Variants in MNAT1 observed in about 807,000 individuals in gnomAD.
The protein encoded by MNAT1 is CDK-activating kinase assembly factor MAT1.
MNAT1 carries 43 observed loss-of-function variants against 42.0 expected under a neutral mutation model. The observed-to-expected ratio is 1.02, with a 90% CI of 0.80 to 1.32. The LOEUF (loss-of-function observed/expected upper bound fraction) is 1.32. Ranked by LOEUF, MNAT1 falls within the 40% of genes most tolerant of loss-of-function variation. The pLI, the probability that MNAT1 is intolerant of heterozygous loss-of-function variation, is 0.00. For synonymous variants in MNAT1, 118 were observed against 120.0 expected (o/e 0.98, Z 0.11); for missense variants, 306 against 350.4 (o/e 0.87, Z 1.01).
intron 6 of MNAT1, among the ~76,000 whole-genome samples, chr14:60,857,268 C>T (rs549112639): frequency 5.9e-5 from 9 of 152,254 alleles, no homozygotes; most frequent in South Asian, 4.1e-4. Flanking sequence ...TTGGAAGTTT[C>T]GGAAGAAGTT....
At chr14:60,940,740 T>C (rs1443320091) in intron 7 of MNAT1, among the ~76,000 whole-genome samples, 1 of 152,088 alleles carries the variant, frequency 6.6e-6, no homozygotes, top group Non-Finnish European at 1.5e-5. Context: ...CTTTCTTACT[T>C]ATTTATCTGA....
intron 1 of MNAT1, among the ~76,000 whole-genome samples, chr14:60,795,393 C>T (rs1269862353): frequency 6.6e-6 from 1 of 152,100 alleles, no homozygotes; most frequent in Non-Finnish European, 1.5e-5. Context: ...CAGATCCCAC[C>T]AAGTCCCCAG....
intron 6 of MNAT1, among the ~76,000 whole-genome samples, chr14:60,843,339 C>T (rs1327858522): frequency 6.6e-6 from 1 of 152,084 alleles, no homozygotes; most frequent in Non-Finnish European, 1.5e-5. Flanking sequence ...GGCGCGACCT[C>T]AGCTCACTGC....
At chr14:60,873,981 A>G (rs1594821658) in intron 6 of MNAT1, among the ~76,000 whole-genome samples, 1 of 152,260 alleles carries the variant, frequency 6.6e-6, no homozygotes, top group African/African-American at 2.4e-5. Flanking sequence ...GACATGAATA[A>G]GAATTTGATT....
At chr14:60,806,430 C>T (rs551472745) in intron 3 of MNAT1, among the ~76,000 whole-genome samples, 2 of 152,100 alleles carry the variant, frequency 1.3e-5, no homozygotes, top group Non-Finnish European at 2.9e-5. Flanking sequence ...TAGGGGCATA[C>T]AAATGCAGAG....
intron 3 of MNAT1, among the ~76,000 whole-genome samples, chr14:60,802,487 T>C (rs951483392): frequency 5.9e-5 from 9 of 152,088 alleles, no homozygotes; most frequent in African/African-American, 2.2e-4. Context: ...AAAGAGGGCT[T>C]TGTAAACTGG....
chr14:60,886,794 A>C (rs972101780), intron 7 of MNAT1, among the ~76,000 whole-genome samples: 1 of 152,100 alleles, frequency 6.6e-6, no homozygotes, highest in African/African-American at 2.4e-5. Context: ...TTTTGTACAT[A>C]TAGGATCATG....
intron 6 of MNAT1, among the ~76,000 whole-genome samples, chr14:60,845,051 A>G (rs551171396): frequency 6.6e-6 from 1 of 152,104 alleles, no homozygotes; most frequent in South Asian, 2.1e-4. Context: ...ATGGCTCTAT[A>G]CTTTTCCTGT....
At chr14:60,797,120 A>G (rs1444762093) in intron 2 of MNAT1, among the ~76,000 whole-genome samples, 1 of 152,038 alleles carries the variant, frequency 6.6e-6, no homozygotes, top group Non-Finnish European at 1.5e-5. Context: ...AATAATTGAT[A>G]TGTTTATTTT....
At chr14:60,879,579 G>A (rs1234056094) in intron 6 of MNAT1, 135 bp from the exon 7 acceptor site, 3 of 759,506 alleles carry the variant, frequency 3.9e-6, no homozygotes, top group Non-Finnish European at 2.0e-6. Context: ...GCAATGCATT[G>A]TACCCATGGA....
chr14:60,893,311 T>C (rs758425575), intron 7 of MNAT1, among the ~76,000 whole-genome samples: 11 of 152,104 alleles, frequency 7.2e-5, no homozygotes, highest in Non-Finnish European at 1.3e-4. Context: ...TTTTCACTTC[T>C]TAAATTCCCT....
chr14:60,956,688 G>T (rs1357512147), intron 7 of MNAT1, among the ~76,000 whole-genome samples: 1 of 152,032 alleles, frequency 6.6e-6, no homozygotes, highest in Admixed American at 6.5e-5. Context: ...TCTGACTTCG[G>T]TTCACATATA....
At chr14:60,923,198 A>G (rs1398247313) in intron 7 of MNAT1, among the ~76,000 whole-genome samples, 4 of 152,308 alleles carry the variant, frequency 2.6e-5, no homozygotes, top group Non-Finnish European at 5.9e-5. Flanking sequence ...ACCATATATC[A>G]GAATCACCTA....
intron 7 of MNAT1, among the ~76,000 whole-genome samples, chr14:60,933,854 G>T (rs924134702): frequency 2.6e-5 from 4 of 152,080 alleles, no homozygotes; most frequent in African/African-American, 9.7e-5. Flanking sequence ...TACGCACATT[G>T]TCTGGAAGAT....
chr14:60,759,768 A>G (rs2030518379), intron 1 of MNAT1, among the ~76,000 whole-genome samples: 1 of 152,244 alleles, frequency 6.6e-6, no homozygotes, highest in Non-Finnish European at 1.5e-5. Flanking sequence ...CCTAAGTTAA[A>G]GAAATTAGAC....
At chr14:60,899,357 A>G (rs112786045) in intron 7 of MNAT1, among the ~76,000 whole-genome samples, 2 of 152,324 alleles carry the variant, frequency 1.3e-5, no homozygotes, top group African/African-American at 4.8e-5. Context: ...TTATATCATC[A>G]GTAGTGAAAA....
intron 7 of MNAT1, among the ~76,000 whole-genome samples, chr14:60,949,851 A>G (rs1413436629): frequency 6.6e-6 from 1 of 152,138 alleles, no homozygotes; most frequent in Non-Finnish European, 1.5e-5. Context: ...GGAAGAAAGT[A>G]CAAGTTTTCT....
At chr14:60,799,747 G>A (rs1342547143) in intron 3 of MNAT1, among the ~76,000 whole-genome samples, 1 of 151,880 alleles carries the variant, frequency 6.6e-6, no homozygotes, top group Non-Finnish European at 1.5e-5. Flanking sequence ...ATGTGTGTGT[G>A]TGTGTGTTGC....
intron 7 of MNAT1, among the ~76,000 whole-genome samples, chr14:60,941,506 C>G (rs1167318832): frequency 2.0e-5 from 3 of 152,060 alleles, no homozygotes; most frequent in Non-Finnish European, 2.9e-5. Context: ...TCAAGACCAG[C>G]TTGGGCAACA....
Sources: allele counts gnomAD v4.1 joint callset (sites outside exome capture counted in the v4.1 genomes callset), GRCh38; gene constraint gnomAD v4.1.1; transcripts MANE v1.5; gene names NCBI Gene and HGNC (gene_info 2026-07-23, HGNC 2026-07-21).